The following TFR2 variants were observed in gnomAD, a reference collection of about 807,000 sequenced individuals.
The protein encoded by TFR2 is transferrin receptor protein 2.
A neutral mutation model predicts 91.9 loss-of-function variants in TFR2; 64 were observed. The ratio of observed to expected loss-of-function variants is 0.70; its 90% CI spans 0.57 to 0.86. The LOEUF (loss-of-function observed/expected upper bound fraction) is 0.86. Among genes scored for constraint, TFR2 ranks in the 40% least tolerant of loss-of-function variants. TFR2 has a pLI of 0.00. For synonymous variants in TFR2, 454 were observed against 459.6 expected (o/e 0.99, Z 0.15); for missense variants, 950 against 1,080.5 (o/e 0.88, Z 1.69).
chr7:100,629,310 C>T lies in TFR2; in HGVS notation c.1333G>A (p.Val445Met). The change falls in exon 10 of 18, where the codon GTG (valine) becomes ATG (methionine). Residue 445 changes from valine to methionine, a missense_variant. Transcript: ENST00000223051. ...AWGPGAAKSA[V>M]GTAILLELVR... is the part of the protein sequence containing the mutation. ...AGCTCCAGGAGTATAGCCGTCCCCA[C>T]AGCGGATTTAGCTGCTCCTGGGCCC... The T allele has an allele frequency of 6.2e-7, 1 of 1,614,168 alleles. No homozygotes were observed. Among genetic ancestry groups the T allele is most frequent in the Non-Finnish European group, 8.5e-7 (1 of 1,179,992 alleles).
At chr7:100,641,253 A>G in intron 1 of TFR2, 25 bp from the exon 2 acceptor site, 3 of 1,455,128 alleles carry the variant, frequency 2.1e-6, no homozygotes, top group Non-Finnish European at 1.8e-6. Flanking sequence ...TGGGCATGAG[A>G]TTGGGGCAAG....
chr7:100,625,409 G>A (rs1803227497), intron 17 of TFR2, among the ~76,000 whole-genome samples: 2 of 130,106 alleles, frequency 1.5e-5, no homozygotes. Context: ...TGGGGACAGG[G>A]GTATGGCAAC....
intron 3 of TFR2, chr7:100,640,456 C>T (rs1343150829): frequency 5.1e-6 from 3 of 587,352 alleles, no homozygotes; most frequent in Non-Finnish European, 9.1e-6. Context: ...ACAGTCAGCT[C>T]CCTCACCTCC....
At position 100,633,295 on chromosome 7, in the gene TFR2, G is replaced by A; in HGVS notation, c.660C>T (p.Val220=). Residue 220 remains valine, a synonymous_variant, in exon 5 of 18, where the codon GTC becomes GTT. Transcript: ENST00000223051. ...GGTCCTCCAGCGGCAGCTGCTCTCC[G>A]ACCTTCCCGGCCTCATCGACCCAGT... ...TLHWVDEAGK[V]GEQLPLEDPD... 2 of 1,613,732 alleles carry A rather than the reference G, an allele frequency of 1.2e-6. No individual in the cohort carries two copies. The highest frequency in any genetic ancestry group is 1.7e-6 in the Non-Finnish European group (2 of 1,179,856).
chr7:100,627,172 C>T (rs41295924), intron 16 of TFR2, 92 bp downstream of exon 16: 15,862 of 1,413,150 alleles, frequency 0.011, 121 homozygotes, highest in Non-Finnish European at 0.013. Flanking sequence ...AGGACCTAGA[C>T]CCCAGGGAAT....
chr7:100,633,264 C>T lies in TFR2; in HGVS notation c.691G>A (p.Val231Ile), dbSNP rs1209006026. ...CCGATGGCGCTGTAGGGGCAGTAGA[C>T]GTCAGGGTCCTCCAGCGGCAGCTGC... is the stretch of plus-strand genomic sequence containing the variant. ...GEQLPLEDPD[V>I]YCPYSAIGNV... Residue 231 changes from valine to isoleucine, a missense_variant, in exon 5 of 18, where the codon GTC becomes ATC. Coordinates refer to ENST00000223051, the MANE Select transcript of TFR2 (RefSeq NM_003227.4). 1 of 1,613,858 alleles carries T rather than the reference C, an allele frequency of 6.2e-7. No individual in the cohort carries two copies. Among genetic ancestry groups the T allele is most frequent in the Non-Finnish European group, 8.5e-7 (1 of 1,179,868 alleles).
rs982999802 is a variant in TFR2, at chr7:100,621,079, C to G, written c.2184G>C (p.Pro728=). Residue 728 remains proline (P), a synonymous_variant, in exon 18 of 18, where the codon CCG becomes CCC. Coordinates refer to ENST00000223051, the MANE Select transcript of TFR2 (RefSeq NM_003227.4). Reference sequence around the variant, plus strand: ...CACGGCCCATGAAGATGTGGCGGAACGGGGAGTCGGCTGGCGACACGTACT... The same window carrying G: ...CACGGCCCATGAAGATGTGGCGGAAGGGGGAGTCGGCTGGCGACACGTACT... The part of the protein sequence containing the change: ...LSQYVSPADS[P]FRHIFMGRGD... 3.2e-6 allele frequency: 5 copies of G among 1,546,700 alleles called. No homozygotes were observed. Among genetic ancestry groups the G allele is most frequent in the Non-Finnish European group, 4.4e-6 (5 of 1,142,218 alleles).
intron 10 of TFR2, 40 bp from the exon 11 acceptor site, chr7:100,628,346 C>T (rs1803329072): frequency 6.3e-7 from 1 of 1,585,954 alleles, no homozygotes; most frequent in Non-Finnish European, 8.7e-7. Flanking sequence ...TAGCAGGGGC[C>T]AAGCAAAGAC....
At chr7:100,622,904 A>C (rs565747739) in intron 17 of TFR2, among the ~76,000 whole-genome samples, 12 of 152,318 alleles carry the variant, frequency 7.9e-5, no homozygotes, top group African/African-American at 2.6e-4. Flanking sequence ...CGTTGCAGTG[A>C]GCCAAGATCG....
In TFR2 at chr7:100,620,640, A is replaced by C. The variant is rs41296651; in HGVS notation, c.*217T>G. 4 of 596,548 alleles carry C rather than the reference A, an allele frequency of 6.7e-6. No homozygotes were observed. The Admixed American group carries it at 1.2e-4, about 18-fold the overall frequency. 37.0% of individuals were successfully genotyped at this position (596,548 alleles called of 1,614,324 possible). On this transcript the variant is annotated 3_prime_UTR_variant, in exon 18 of 18. Coordinates refer to ENST00000223051, the MANE Select transcript of TFR2 (RefSeq NM_003227.4). ...GGATGCTACTCTCTGATTAACCGAC[A>C]GTATGACCGTCACATTAGGGTCAGC...
At chr7:100,629,511 G>A (rs1488393338) in intron 9 of TFR2, 139 bp from the exon 10 acceptor site, 74 of 1,517,150 alleles carry the variant, frequency 4.9e-5, no homozygotes, top group East Asian at 3.4e-4. Context: ...TAAAGAGGGC[G>A]CCCCTCCCCA....
chr7:100,629,459 T>C, intron 9 of TFR2, 87 bp from the exon 10 acceptor site: 3 of 1,597,606 alleles, frequency 1.9e-6, no homozygotes, highest in Non-Finnish European at 2.6e-6. Context: ...TCTCAGCCCA[T>C]CACAATTCCG....
intron 10 of TFR2, among the ~76,000 whole-genome samples, chr7:100,628,550 C>T (rs952933562): frequency 3.3e-5 from 5 of 152,070 alleles, no homozygotes; most frequent in East Asian, 1.9e-4. Flanking sequence ...CAGGCATGCA[C>T]CACTAAGTCC....
Position 100,640,708 on chromosome 7 carries a change from C to T in TFR2, c.451G>A (p.Gly151Arg). ...TACCTGATGGTGTCCTCCAGGCGCC[C>T]CTCCCCCAGGAACTGCAGGAACATG... Reference protein sequence around the residue: ...QAMFLQFLGEGRLEDTIRQTS... With the variant: ...QAMFLQFLGERRLEDTIRQTS... The change falls in exon 3 of 18, where the codon GGG becomes AGG. Residue 151 changes from glycine (G) to arginine (R), a missense_variant. Coordinates refer to ENST00000223051, the MANE Select transcript of TFR2 (RefSeq NM_003227.4). The T allele has an allele frequency of 6.2e-7, 1 of 1,613,364 alleles. No homozygotes were observed. The highest frequency in any genetic ancestry group is 2.2e-5 in the East Asian group (1 of 44,852).
rs2131312371 is a variant in TFR2 at position 100,627,576 on chromosome 7, C to A, written c.1767+1G>T. 6.2e-7 allele frequency: 1 copy of A among 1,614,154 alleles called. No homozygotes were observed. ...TCTGGGGCAGGGGGAGGACGTCTCA[C>A]CTCCATAAAGGAGAACTCGACGGCA... On this transcript the variant is annotated splice_donor_variant, in intron 15 of 17. Transcript: ENST00000223051. LOFTEE classifies it high-confidence loss of function.
chr7:100,641,351 G>C (rs1803696452), intron 1 of TFR2, 123 bp from the exon 2 acceptor site: 2 of 1,430,790 alleles, frequency 1.4e-6, no homozygotes, highest in African/African-American at 1.4e-5. Flanking sequence ...GCGTGGGGGA[G>C]GGGCAGGGGT....
Position 100,629,433 on chromosome 7 carries a change from TCCATCTGCCTGTGTCTCTCAGC to T in TFR2, c.1271-83_1271-62del, listed in dbSNP as rs1490467295. The T allele has an allele frequency of 1.9e-6, 3 of 1,607,718 alleles. No homozygotes were observed. The Admixed American group carries it at 5.0e-5, about 27-fold the overall frequency. On this transcript the variant is annotated intron_variant, in intron 9 of 17. Coordinates refer to ENST00000223051, the MANE Select transcript of TFR2 (RefSeq NM_003227.4). ...TGCACCCTGCACCCTGGGGGCATCC[TCCATCTGCCTGTGTCTCTCAGC>T]CCATCACAATTCCGGCAACCCTAGC...
At position 100,630,883 on chromosome 7, in the gene TFR2, G is replaced by A; in HGVS notation, c.1270+6C>T. On this transcript the variant is annotated splice_donor_region_variant and intron_variant, in intron 9 of 17. Transcript: ENST00000223051. ...AGCTGTGAGTGATACTGGACACACA[G>A]CATACCTGGCTCTGAGCGGCCTTCG... 1 of 1,612,414 alleles carries A rather than the reference G, an allele frequency of 6.2e-7. No homozygotes were observed. Among genetic ancestry groups the A allele is most frequent in the South Asian group, 1.1e-5 (1 of 91,008 alleles).
chr7:100,631,757 C>T (rs1176723819), intron 8 of TFR2, 49 bp downstream of exon 8: 1 of 1,590,976 alleles, frequency 6.3e-7, no homozygotes, highest in African/African-American at 1.3e-5. Context: ...CTCGCTGCAG[C>T]CTTCCTCTCT....
Sources: allele counts gnomAD v4.1 joint callset (sites outside exome capture counted in the v4.1 genomes callset), GRCh38; gene constraint gnomAD v4.1.1; transcripts MANE v1.5; gene names NCBI Gene and HGNC (gene_info 2026-07-23, HGNC 2026-07-21).